Variants in CNTN4 observed in about 807,000 individuals in gnomAD.
The protein encoded by CNTN4 is contactin-4.
In CNTN4, 77 loss-of-function variants were observed where a neutral mutation model predicts 122.5. The observed-to-expected ratio is 0.63, with a 90% CI of 0.52 to 0.76. The LOEUF (loss-of-function observed/expected upper bound fraction) is 0.76. CNTN4 is among the 30% of genes least tolerant of loss of function. CNTN4 has a pLI of 0.00. For missense variants in CNTN4, 1,256 were observed against 1,259.1 expected, an observed-to-expected ratio of 1.00 and a Z score of 0.04; for synonymous variants, 512 against 447.0, an observed-to-expected ratio of 1.15 and a Z score of -1.83.
At chr3:2,996,213 G>A (rs1695521937) in intron 14 of CNTN4, among the ~76,000 whole-genome samples, 1 of 152,082 alleles carries the variant, frequency 6.6e-6, no homozygotes, top group Non-Finnish European at 1.5e-5. Context: ...AAGGCTGGAG[G>A]TACATGAAAA....
At chr3:2,813,139 A>G (rs991349253) in intron 6 of CNTN4, among the ~76,000 whole-genome samples, 28 of 152,242 alleles carry the variant, frequency 1.8e-4, no homozygotes, top group African/African-American at 6.8e-4. Context: ...GAGTCAAGAC[A>G]TAACTTTAAA....
intron 2 of CNTN4, among the ~76,000 whole-genome samples, chr3:2,309,745 T>TA (rs1414656650): frequency 6.6e-6 from 1 of 152,144 alleles, no homozygotes; most frequent in Non-Finnish European, 1.5e-5. Context: ...ATAGAGTTTT[T>TA]AAAAAATACA....
intron 20 of CNTN4, 25 bp from the exon 21 acceptor site, chr3:3,042,285 T>C (rs776964453): frequency 2.0e-6 from 3 of 1,468,532 alleles, no homozygotes; most frequent in East Asian, 2.3e-5. Context: ...GATAGAGTAA[T>C]AACTATCTCC....
intron 7 of CNTN4, among the ~76,000 whole-genome samples, chr3:2,847,974 C>A (rs182215921): frequency 6.6e-6 from 1 of 152,172 alleles, no homozygotes; most frequent in Non-Finnish European, 1.5e-5. Flanking sequence ...AATACTAGCA[C>A]AGGGTTGGGC....
At chr3:2,615,709 T>C (rs1445415006) in intron 4 of CNTN4, among the ~76,000 whole-genome samples, 1 of 152,030 alleles carries the variant, frequency 6.6e-6, no homozygotes, top group African/African-American at 2.4e-5. Context: ...ATTTCCAGAG[T>C]ATAATTAGAA....
chr3:2,902,867 C>A lies in CNTN4; in HGVS notation c.1078-9C>A, dbSNP rs370980273. ...GTCATTGTTTTTATGTTCCTCTTTT[C>A]TTTCACAGGATAGAATTCAAATTGA... On this transcript the variant is annotated splice_polypyrimidine_tract_variant and intron_variant, in intron 11 of 24. Transcript: ENST00000418658. The A allele has an allele frequency of 6.1e-5, 99 of 1,611,442 alleles. No homozygotes were observed. The highest frequency in any genetic ancestry group is 8.4e-5 in the Non-Finnish European group (99 of 1,178,574).
At chr3:2,879,931 A>G (rs1049342360) in intron 8 of CNTN4, among the ~76,000 whole-genome samples, 1 of 152,200 alleles carries the variant, frequency 6.6e-6, no homozygotes, top group Non-Finnish European at 1.5e-5. Context: ...TGGGTCATTT[A>G]AAGACCATTG....
intron 4 of CNTN4, among the ~76,000 whole-genome samples, chr3:2,594,798 G>A (rs187141170): frequency 9.2e-5 from 14 of 152,166 alleles, no homozygotes; most frequent in African/African-American, 3.4e-4. Context: ...GTGTGTGTCT[G>A]TACCTCCTGT....
At chr3:2,629,603 A>G (rs779006695) in intron 4 of CNTN4, 3 of 447,230 alleles carry the variant, frequency 6.7e-6, no homozygotes, top group Non-Finnish European at 1.3e-5. Context: ...ATAAGAAAAT[A>G]GAAAAGCCTA....
At chr3:2,764,330 G>C (rs1559478312) in intron 6 of CNTN4, among the ~76,000 whole-genome samples, 1 of 152,178 alleles carries the variant, frequency 6.6e-6, no homozygotes, top group African/African-American at 2.4e-5. Flanking sequence ...ACTTCACTAA[G>C]AAAATGATTG....
In CNTN4 at chr3:2,353,353, G is replaced by A. The variant is rs2044722023; in HGVS notation, c.-89+14120G>A. On this transcript the variant is annotated intron_variant, in intron 3 of 24. Transcript: ENST00000418658. Reference sequence around the variant, plus strand: ...GGACCAATCATCAGGATGTGGGTGGGGTCAGATAAGGGAATAAAAGCAGGC... The same window carrying A: ...GGACCAATCATCAGGATGTGGGTGGAGTCAGATAAGGGAATAAAAGCAGGC... Among the ~76,000 whole-genome samples the A allele has an allele frequency of 1.3e-5, 2 of 152,098 alleles. 1 individual carries two copies. Among genetic ancestry groups the A allele is most frequent in the African/African-American group, 4.8e-5 (2 of 41,394 alleles).
In CNTN4 at chr3:2,296,721, G is replaced by C. The variant is rs2042326162; in HGVS notation, c.-144-42457G>C. ...CACAAGAAGAATAAAATGGTCCACA[G>C]ATATTGCAGGTGACATGTACTATAT... On this transcript the variant is annotated intron_variant, in intron 2 of 24. Transcript: ENST00000418658. Among the ~76,000 whole-genome samples, 3 of 150,624 alleles carry C rather than the reference G, an allele frequency of 2.0e-5. No homozygotes were observed. The South Asian group carries it at 6.3e-4, about 32-fold the overall frequency.
chr3:2,590,745 TC>T (rs2080431482), intron 4 of CNTN4, among the ~76,000 whole-genome samples: 1 of 152,024 alleles, frequency 6.6e-6, no homozygotes, highest in Non-Finnish European at 1.5e-5. Flanking sequence ...GAATGGTCTT[TC>T]CCCTTCCTCC....
At chr3:2,884,375 T>TG (rs1260653146) in intron 9 of CNTN4, among the ~76,000 whole-genome samples, 3 of 152,216 alleles carry the variant, frequency 2.0e-5, no homozygotes, top group Non-Finnish European at 4.4e-5. Context: ...GGTTTCCATG[T>TG]GTTTTCAAGT....
At chr3:2,645,919 AT>A (rs1184887941) in intron 4 of CNTN4, among the ~76,000 whole-genome samples, 4 of 152,202 alleles carry the variant, frequency 2.6e-5, no homozygotes, top group Non-Finnish European at 5.9e-5. Flanking sequence ...TTCCCAAATA[AT>A]TTATATTTAT....
chr3:2,803,703 G>T (rs1255781825), intron 6 of CNTN4, among the ~76,000 whole-genome samples: 2 of 151,930 alleles, frequency 1.3e-5, no homozygotes, highest in African/African-American at 2.4e-5. Context: ...GGGATTACTG[G>T]TGCCTGCCAC....
intron 4 of CNTN4, among the ~76,000 whole-genome samples, chr3:2,678,303 G>A (rs199871202): frequency 8.6e-5 from 13 of 151,994 alleles, no homozygotes; most frequent in African/African-American, 2.7e-4. Flanking sequence ...CAGCCCTGTC[G>A]TAAAAAAATT....
chr3:2,627,676 G>C (rs1021330552), intron 4 of CNTN4, among the ~76,000 whole-genome samples: 2 of 151,818 alleles, frequency 1.3e-5, no homozygotes, highest in Admixed American at 6.6e-5. Flanking sequence ...TGTATTTTTA[G>C]TAGAGACGGG....
chr3:2,457,087 T>G (rs2049033391), intron 3 of CNTN4, among the ~76,000 whole-genome samples: 1 of 152,108 alleles, frequency 6.6e-6, no homozygotes, highest in South Asian at 2.1e-4. Context: ...GAGTCTGTAC[T>G]CTATACTCTT....
Sources: gnomAD v4.1 joint callset for allele counts (sites outside exome capture counted in the v4.1 genomes callset) on GRCh38, gnomAD v4.1.1 for gene constraint, MANE v1.5 for transcripts, NCBI Gene and HGNC (gene_info 2026-07-23, HGNC 2026-07-21) for gene names.